Variants in CRACD observed in about 807,000 individuals in gnomAD.
CRACD encodes capping protein inhibiting regulator of actin dynamics.
CRACD carries 56 observed loss-of-function variants against 106.8 expected under a neutral mutation model. That is an observed-to-expected ratio of 0.52 (90% CI 0.42 to 0.66). The LOEUF is 0.66. CRACD is among the 30% of genes least tolerant of loss of function. The pLI is 0.00. For missense variants in CRACD, 1,730 were observed against 1,623.2 expected (o/e 1.07, Z -1.13); for synonymous variants, 754 against 670.8 (o/e 1.12, Z -1.92).
intron 2 of CRACD, among the ~76,000 whole-genome samples, chr4:56,256,215 T>TC (rs1741350506): frequency 6.6e-6 from 1 of 152,178 alleles, no homozygotes; most frequent in Non-Finnish European, 1.5e-5. Flanking sequence ...TGGAGGTGGG[T>TC]CTTTCCCATG....
intron 2 of CRACD, among the ~76,000 whole-genome samples, chr4:56,240,745 A>G (rs1740317941): frequency 6.6e-6 from 1 of 152,126 alleles, no homozygotes; most frequent in Admixed American, 6.5e-5. Flanking sequence ...AGTCCTCCCA[A>G]AGCACTAGGA....
At chr4:56,322,184 T>C (rs1314949241) in intron 8 of CRACD, among the ~76,000 whole-genome samples, 3 of 152,210 alleles carry the variant, frequency 2.0e-5, no homozygotes, top group Non-Finnish European at 4.4e-5. Context: ...TAAGAACAGC[T>C]CACTTTTGTA....
At chr4:56,214,652 ACTCTCTCTCT>A (rs572003455) in intron 2 of CRACD, among the ~76,000 whole-genome samples, 1 of 101,872 alleles carries the variant, frequency 9.8e-6, no homozygotes, top group Non-Finnish European at 2.0e-5. Flanking sequence ...AGAGCTAGAC[ACTCTCTCTCT>A]CTCTCTCTCT....
intron 3 of CRACD, among the ~76,000 whole-genome samples, chr4:56,275,649 A>G (rs1742632760): frequency 6.6e-6 from 1 of 152,176 alleles, no homozygotes; most frequent in African/African-American, 2.4e-5. Context: ...AGAAATTCTT[A>G]TTTTTAGTTC....
At position 56,327,859 on chromosome 4, in the gene CRACD, T is replaced by C; in HGVS notation, c.*55T>C. 6.9e-7 allele frequency: 1 copy of C among 1,453,230 alleles called. No individual in the cohort carries two copies. The highest frequency in any genetic ancestry group is 9.4e-7 in the Non-Finnish European group (1 of 1,063,738). The allele number at this position is 1,453,230 out of a possible 1,614,324, so 90.0% of individuals were successfully genotyped here. On this transcript the variant is annotated 3_prime_UTR_variant, in exon 11 of 11. Coordinates refer to ENST00000682029, the MANE Select transcript of CRACD (RefSeq NM_001393381.1). ...GTTATTGGCTCCTCTCTTGCCCTTT[T>C]TATTTATTTATTTTTTATATGGGGT... is the stretch of plus-strand genomic sequence containing the variant.
At chr4:56,188,622 CCTCTCTCTCT>C (rs140815351) in intron 2 of CRACD, among the ~76,000 whole-genome samples, 1 of 121,546 alleles carries the variant, frequency 8.2e-6, no homozygotes, top group Admixed American at 8.1e-5. Context: ...ATCTGTCTAG[CCTCTCTCTCT>C]CTCTCTCTCT....
At chr4:56,198,005 C>A (rs763967233) in intron 2 of CRACD, among the ~76,000 whole-genome samples, 30 of 152,060 alleles carry the variant, frequency 2.0e-4, no homozygotes, top group Admixed American at 3.3e-4. Context: ...TTAAGAAATG[C>A]ATCCTATTTT....
intron 1 of CRACD, among the ~76,000 whole-genome samples, chr4:56,121,661 G>A (rs1293973254): frequency 6.6e-6 from 1 of 151,988 alleles, no homozygotes; most frequent in East Asian, 1.9e-4. Flanking sequence ...AAAGGAATAT[G>A]CTGAATAAAT....
intron 1 of CRACD, among the ~76,000 whole-genome samples, chr4:56,157,451 A>G (rs1735799701): frequency 6.6e-6 from 1 of 152,204 alleles, no homozygotes; most frequent in African/African-American, 2.4e-5. Context: ...GAAGGAACAA[A>G]TGAGTGAATG....
chr4:56,133,245 C>T (rs564814633), intron 1 of CRACD, among the ~76,000 whole-genome samples: 64 of 152,310 alleles, frequency 4.2e-4, no homozygotes, highest in Non-Finnish European at 7.3e-4. Flanking sequence ...TTGTCCTGAA[C>T]GCACTAAATA....
rs1234856072 is a variant in CRACD, at chr4:56,280,178, C to G, written c.-17+7686C>G. 1.8e-4 allele frequency among the ~76,000 whole-genome samples: 27 copies of G among 149,778 alleles called. 1 individual carries two copies. Among genetic ancestry groups the G allele is most frequent in the East Asian group, 5.9e-4 (3 of 5,068 alleles). On this transcript the variant is annotated intron_variant, in intron 3 of 10. Transcript: ENST00000682029. Reference sequence around the variant, plus strand: ...GGAGGGGGGAGGGATAGCATTAGGACATATACCTAATGTTAAATGACGAGT... The same window carrying G: ...GGAGGGGGGAGGGATAGCATTAGGAGATATACCTAATGTTAAATGACGAGT...
At chr4:56,171,511 G>T (rs1736363902) in intron 1 of CRACD, among the ~76,000 whole-genome samples, 1 of 152,122 alleles carries the variant, frequency 6.6e-6, no homozygotes, top group Non-Finnish European at 1.5e-5. Context: ...TTTATTTTGG[G>T]ATTCACAGGT....
At chr4:56,160,890 G>C (rs1207707359) in intron 1 of CRACD, among the ~76,000 whole-genome samples, 3 of 152,190 alleles carry the variant, frequency 2.0e-5, no homozygotes, top group African/African-American at 7.2e-5. Flanking sequence ...TAATAGGCTG[G>C]AATACCTTGT....
intron 1 of CRACD, among the ~76,000 whole-genome samples, chr4:56,072,465 A>G (rs149804819): frequency 1.3e-5 from 2 of 152,280 alleles, no homozygotes; most frequent in Admixed American, 1.3e-4. Context: ...TCCTTTCAAA[A>G]ACACAGCCTT....
rs770660914 is a variant in CRACD, at chr4:56,308,898, GGC to G, written c.285+1200_285+1201del. On this transcript the variant is annotated intron_variant, in intron 5 of 10. Transcript: ENST00000682029. ...TGAGCTCATAAGTGCTGGGCACTGTGGCCTGGGGGATTGTTTGTTCAGCAGGC... is the reference window on the plus strand; with the variant it reads ...TGAGCTCATAAGTGCTGGGCACTGTGCTGGGGGATTGTTTGTTCAGCAGGC... 7.0e-6 allele frequency: 9 copies of G among 1,288,834 alleles called. No homozygotes were observed. The South Asian group carries it at 1.1e-4, about 16-fold the overall frequency. The allele number at this position is 1,288,834 out of a possible 1,614,324, so 79.8% of individuals were successfully genotyped here. A position where few individuals can be genotyped will look rare whatever the true frequency, so the allele number is the denominator to read the frequency against.
At chr4:56,297,525 G>C (rs1207167034) in intron 3 of CRACD, among the ~76,000 whole-genome samples, 1 of 152,042 alleles carries the variant, frequency 6.6e-6, no homozygotes, top group Non-Finnish European at 1.5e-5. Flanking sequence ...GCTACATTGG[G>C]CCATGATCAC....
intron 8 of CRACD, among the ~76,000 whole-genome samples, chr4:56,318,272 A>G (rs1389324254): frequency 6.6e-6 from 1 of 152,158 alleles, no homozygotes; most frequent in African/African-American, 2.4e-5. Context: ...GTGGGACTAC[A>G]GGTGTGAGCC....
chr4:56,295,079 TA>T (rs1335889615), intron 3 of CRACD, among the ~76,000 whole-genome samples: 5 of 149,598 alleles, frequency 3.3e-5, no homozygotes, highest in African/African-American at 1.2e-4. Flanking sequence ...AACAGGTAAG[TA>T]AAAAAAGTAA....
At chr4:56,160,473 C>T (rs965972071) in intron 1 of CRACD, among the ~76,000 whole-genome samples, 3 of 152,154 alleles carry the variant, frequency 2.0e-5, no homozygotes, top group East Asian at 1.9e-4. Context: ...TGTGAGCCAC[C>T]GTGCCTGGCC....
Sources: gnomAD v4.1 joint callset for allele counts (sites outside exome capture counted in the v4.1 genomes callset) on GRCh38, gnomAD v4.1.1 for gene constraint, MANE v1.5 for transcripts, NCBI Gene and HGNC (gene_info 2026-07-23, HGNC 2026-07-21) for gene names.